The following SOX6 variants were observed in gnomAD, a reference collection of about 807,000 sequenced individuals.
SOX6 encodes the protein SRY-box transcription factor 6, also known as transcription factor SOX-6.
Under a neutral mutation model 97.8 loss-of-function variants are expected in SOX6, and 11 were observed. That is an observed-to-expected ratio of 0.11 (90% CI 0.07 to 0.19). The LOEUF is 0.19. SOX6 is among the 10% of genes least tolerant of loss of function. The probability of loss-of-function intolerance (pLI) is 1.00; values close to 1 mark genes in which losing one functional copy is unlikely to be tolerated. For synonymous variants in SOX6, 360 were observed against 371.4 expected (o/e 0.97, Z 0.35); for missense variants, 810 against 1,039.5 (o/e 0.78, Z 3.04).
At chr11:16,338,416 C>A (rs2134336377) in intron 2 of SOX6, among the ~76,000 whole-genome samples, 1 of 152,028 alleles carries the variant, frequency 6.6e-6, no homozygotes, top group South Asian at 2.1e-4. Context: ...AACTTAAAAT[C>A]CTTCTATTGT....
chr11:15,993,240 T>C (rs897742347), intron 13 of SOX6, among the ~76,000 whole-genome samples: 3 of 152,082 alleles, frequency 2.0e-5, no homozygotes, highest in Non-Finnish European at 4.4e-5. Flanking sequence ...AAATTCACTT[T>C]GTTATAATTA....
chr11:16,215,062 T>C (rs1276274644), intron 4 of SOX6, among the ~76,000 whole-genome samples: 1 of 152,146 alleles, frequency 6.6e-6, no homozygotes, highest in Non-Finnish European at 1.5e-5. Flanking sequence ...ACTTTTTAAG[T>C]AGAACCTGTT....
intron 6 of SOX6, among the ~76,000 whole-genome samples, chr11:16,131,262 G>A (rs774726112): frequency 6.6e-6 from 1 of 151,670 alleles, no homozygotes; most frequent in Non-Finnish European, 1.5e-5. Flanking sequence ...TCAATAATAA[G>A]TCAAATAAAT....
At position 16,015,031 on chromosome 11, in the gene SOX6, T is replaced by C; in HGVS notation, c.1643A>G (p.Asn548Ser). The C allele has an allele frequency of 5.0e-6, 8 of 1,612,854 alleles. No homozygotes were observed. The highest frequency in any genetic ancestry group is 6.8e-6 in the Non-Finnish European group (8 of 1,179,272). ...RNEKERTRFE[N>S]LGPQLTGKSN... Reference sequence around the variant, plus strand: ...CTTTCCCGTTAACTGGGGCCCCAAATTCTCAAAGCGCGTTCTTTCCTAGAG... The same window carrying C: ...CTTTCCCGTTAACTGGGGCCCCAAACTCTCAAAGCGCGTTCTTTCCTAGAG... The change falls in exon 13 of 16, where the codon AAT becomes AGT. Residue 548 changes from asparagine (N) to serine (S), a missense_variant. Physicochemically the swap from Asn to Ser is conservative, Grantham distance 46 (BLOSUM62 1). Coordinates refer to ENST00000683767, the MANE Select transcript of SOX6 (RefSeq NM_001367873.1).
chr11:16,466,653 G>A (rs1590214240), intron 1 of SOX6, among the ~76,000 whole-genome samples: 3 of 150,540 alleles, frequency 2.0e-5, no homozygotes, highest in Admixed American at 6.6e-5. Context: ...AACTCCGGCC[G>A]GGCGCGGTGG....
At chr11:15,992,522 C>G (rs78897919) in intron 13 of SOX6, among the ~76,000 whole-genome samples, 2 of 151,990 alleles carry the variant, frequency 1.3e-5, no homozygotes, top group Non-Finnish European at 2.9e-5. Context: ...AAATTATGCC[C>G]AGGAGGTCAC....
intron 4 of SOX6, among the ~76,000 whole-genome samples, chr11:16,220,292 C>G (rs1267871544): frequency 6.6e-6 from 1 of 151,912 alleles, no homozygotes; most frequent in East Asian, 1.9e-4. Flanking sequence ...TAGAAAACAA[C>G]ATTTTAGGTA....
intron 1 of SOX6, among the ~76,000 whole-genome samples, chr11:16,428,886 G>A (rs1002582848): frequency 6.6e-6 from 1 of 152,088 alleles, no homozygotes; most frequent in African/African-American, 2.4e-5. Flanking sequence ...GCTTGATGGG[G>A]ATGGCATTGA....
At chr11:16,051,995 T>A (rs1294057846) in intron 10 of SOX6, among the ~76,000 whole-genome samples, 2 of 152,090 alleles carry the variant, frequency 1.3e-5, no homozygotes, top group South Asian at 2.1e-4. Flanking sequence ...ATATATATAT[T>A]TTTAATCTCA....
intron 9 of SOX6, among the ~76,000 whole-genome samples, chr11:16,064,411 C>A (rs1848040377): frequency 1.3e-5 from 2 of 148,356 alleles, no homozygotes; most frequent in African/African-American, 5.2e-5. Flanking sequence ...AAGTAGCCTA[C>A]CAGAATCCAC....
At chr11:16,496,990 C>CA (rs1336226339) in intron 4 of SOX6, among the ~76,000 whole-genome samples, 1 of 152,194 alleles carries the variant, frequency 6.6e-6, no homozygotes. Context: ...CAGCACACAG[C>CA]TGGAGATCTG....
chr11:16,520,649 C>A (rs554424002), intron 4 of SOX6, among the ~76,000 whole-genome samples: 1 of 152,230 alleles, frequency 6.6e-6, no homozygotes, highest in East Asian at 1.9e-4. Flanking sequence ...TGCAGCACAA[C>A]ATGTGCGAGC....
At chr11:16,591,318 C>CATAG (rs61285320) in intron 4 of SOX6, among the ~76,000 whole-genome samples, 7,957 of 123,434 alleles carry the variant, frequency 0.064, 272 homozygotes, top group Non-Finnish European at 0.07. Flanking sequence ...TGGTTAGATA[C>CATAG]ATAGATAGAT....
chr11:16,162,365 T>C (rs955420458), intron 6 of SOX6, among the ~76,000 whole-genome samples: 1 of 152,194 alleles, frequency 6.6e-6, no homozygotes, highest in African/African-American at 2.4e-5. Flanking sequence ...ACCCTTGATA[T>C]AGTTTGGATA....
rs796179391 is a variant in SOX6, at chr11:16,144,938, C to T, written c.778-33015G>A. On this transcript the variant is annotated intron_variant, in intron 6 of 15. Transcript: ENST00000683767. ...CCAGAGGTACAAGGAGGAGCTGGTA[C>T]CATTCCTTCTGAAATTATTCCAATC... Among the ~76,000 whole-genome samples, 5 of 152,152 alleles carry T rather than the reference C, an allele frequency of 3.3e-5. No individual in the cohort carries two copies. The South Asian group carries it at 1.0e-3, about 31-fold the overall frequency.
At chr11:16,328,169 C>A (rs1347648591) in intron 2 of SOX6, among the ~76,000 whole-genome samples, 2 of 152,040 alleles carry the variant, frequency 1.3e-5, no homozygotes, top group African/African-American at 4.8e-5. Context: ...CTTCTTTAGA[C>A]CCTACTCAAA....
At chr11:16,093,104 G>T (rs1023114974) in intron 9 of SOX6, among the ~76,000 whole-genome samples, 1 of 151,932 alleles carries the variant, frequency 6.6e-6, no homozygotes, top group Non-Finnish European at 1.5e-5. Context: ...GTTTACTGTA[G>T]CAAGTGCTCT....
chr11:16,300,607 C>G lies in SOX6; in HGVS notation c.445+17839G>C, dbSNP rs767009279. 1.8e-4 allele frequency among the ~76,000 whole-genome samples: 28 copies of G among 152,152 alleles called. No homozygotes were observed. The highest frequency in any genetic ancestry group is 3.5e-4 in the Non-Finnish European group (24 of 68,026). On this transcript the variant is annotated intron_variant, in intron 3 of 15. Coordinates refer to ENST00000683767, the MANE Select transcript of SOX6 (RefSeq NM_001367873.1). This position sits in a 1 kb window ranked among gnomAD's most constrained non-coding sequence, Gnocchi z 4.1. Reference sequence around the variant, plus strand: ...GGAAAGACATTTTCATTCATTACCACGGTCACAAGCACTTAAAGCACTTTT... The same window carrying G: ...GGAAAGACATTTTCATTCATTACCAGGGTCACAAGCACTTAAAGCACTTTT...
At chr11:16,205,343 CA>C (rs1852044911) in intron 4 of SOX6, among the ~76,000 whole-genome samples, 1 of 152,038 alleles carries the variant, frequency 6.6e-6, no homozygotes, top group Non-Finnish European at 1.5e-5. Flanking sequence ...CATCACTGAT[CA>C]AATTTAACCA....
Sources: gnomAD v4.1 joint callset for allele counts (sites outside exome capture counted in the v4.1 genomes callset) on GRCh38, gnomAD v4.1.1 for gene constraint, Gnocchi (gnomAD v3.1) non-coding constraint, MANE v1.5 for transcripts, NCBI Gene and HGNC (gene_info 2026-07-23, HGNC 2026-07-21) for gene names.